Variants in GRM4 observed in about 807,000 individuals in gnomAD.
GRM4 encodes metabotropic glutamate receptor 4.
Under a neutral mutation model 81.7 loss-of-function variants are expected in GRM4, and 28 were observed. The ratio of observed to expected loss-of-function variants is 0.34; its 90% CI spans 0.25 to 0.47. The LOEUF (loss-of-function observed/expected upper bound fraction) is 0.47. GRM4 is among the 20% of genes least tolerant of loss of function. The pLI is 1.00. For missense variants in GRM4, 948 were observed against 1,290.0 expected (o/e 0.73, Z 4.06); for synonymous variants, 488 against 528.8 (o/e 0.92, Z 1.06).
chr6:34,118,186 C>T (rs544455355), intron 2 of GRM4, among the ~76,000 whole-genome samples: 1 of 152,320 alleles, frequency 6.6e-6, no homozygotes, highest in South Asian at 2.1e-4. Context: ...TTGCTGTTTT[C>T]TTCCAAATCT....
exon 1 of GRM4, chr6:34,155,527 GT>G (rs545290400): frequency 3.6e-6 from 2 of 561,104 alleles, no homozygotes; most frequent in East Asian, 3.3e-5. Flanking sequence ...ATTAAAATCT[GT>G]TTTTTTGTTT....
At chr6:34,091,351 A>T (rs1581683781) in intron 3 of GRM4, among the ~76,000 whole-genome samples, 1 of 152,178 alleles carries the variant, frequency 6.6e-6, no homozygotes, top group African/African-American at 2.4e-5. Context: ...GACCTCGAGG[A>T]GAATAAATAC....
At chr6:34,054,809 T>C (rs1765791863) in intron 6 of GRM4, 1 of 152,132 alleles carries the variant, frequency 6.6e-6, no homozygotes, top group Non-Finnish European at 1.5e-5. Context: ...CTAGGTCTGC[T>C]GATCTAAATC....
In GRM4 at chr6:34,136,563, GACACACACAC is replaced by G. The variant is rs10635207; in HGVS notation, c.-363-2714_-363-2705del. Among the ~76,000 whole-genome samples the G allele has an allele frequency of 0.05, 7,067 of 142,476 alleles. 257 individuals are homozygous for G. Among genetic ancestry groups the G allele is most frequent in the Middle Eastern group, 0.079 (22 of 280 alleles). The allele number at this position is 142,476 out of a possible 152,430, so 93.5% of individuals were successfully genotyped here. Reference sequence around the variant, plus strand: ...GCTGAGCAGTGCATGCGCGCGTGCGGACACACACACACACACACACACACACACACACACA... The same window carrying G: ...GCTGAGCAGTGCATGCGCGCGTGCGGACACACACACACACACACACACACA... On this transcript the variant is annotated intron_variant, in intron 1 of 10. Transcript: ENST00000538487. The surrounding 1 kb of genome is among the most constrained non-coding windows in gnomAD (Gnocchi z 4.1).
chr6:34,119,441 C>T (rs1212403063), intron 2 of GRM4, among the ~76,000 whole-genome samples: 1 of 152,156 alleles, frequency 6.6e-6, no homozygotes, highest in Non-Finnish European at 1.5e-5. Context: ...CCCTGACCTG[C>T]TACATGAGGC....
chr6:34,061,703 G>A (rs1447857051), intron 4 of GRM4, 190 bp downstream of exon 4: 18 of 536,946 alleles, frequency 3.4e-5, no homozygotes, highest in Non-Finnish European at 5.3e-5. Context: ...GGGAAGGAGT[G>A]CCCCATAGCA....
chr6:34,086,907 A>G (rs1171262143), intron 3 of GRM4, among the ~76,000 whole-genome samples: 1 of 152,200 alleles, frequency 6.6e-6, no homozygotes, highest in Non-Finnish European at 1.5e-5. Context: ...GCATCACTTG[A>G]GCCCAGAAGT....
rs922132823 is a variant in GRM4 at position 34,080,534 on chromosome 6, T to G, written c.736+11349A>C. 6.6e-6 allele frequency among the ~76,000 whole-genome samples: 1 copy of G among 152,032 alleles called. No individual in the cohort carries two copies. The highest frequency in any genetic ancestry group is 2.4e-5 in the African/African-American group (1 of 41,366). On this transcript the variant is annotated intron_variant, in intron 3 of 10. Coordinates refer to ENST00000538487, the MANE Select transcript of GRM4 (RefSeq NM_000841.4). The surrounding 1 kb of genome is among the most constrained non-coding windows in gnomAD (Gnocchi z 5.4). ...TTCATTCTGCAGATGAATAAATTAC[T>G]GTGGAGGAAAGGGATGCAAAGGCTG...
chr6:34,058,909 C>T (rs1021126527), intron 5 of GRM4, 65 bp downstream of exon 5: 10 of 1,302,236 alleles, frequency 7.7e-6, no homozygotes, highest in South Asian at 1.2e-5. Flanking sequence ...GGAAGGAAGC[C>T]GAGGAGGGAT....
At chr6:34,100,071 T>A (rs979079200) in intron 2 of GRM4, 1 of 982,884 alleles carries the variant, frequency 1.0e-6, no homozygotes, top group South Asian at 4.7e-5. Context: ...ACTCCTGCCC[T>A]GAGCATCTGG....
At chr6:34,113,509 A>G (rs1193406544) in intron 2 of GRM4, among the ~76,000 whole-genome samples, 1 of 152,174 alleles carries the variant, frequency 6.6e-6, no homozygotes, top group Non-Finnish European at 1.5e-5. Flanking sequence ...TATAAGGAAA[A>G]CAGATGCGGG....
chr6:34,106,230 C>T (rs1769119500), intron 2 of GRM4, among the ~76,000 whole-genome samples: 1 of 152,072 alleles, frequency 6.6e-6, no homozygotes, highest in Non-Finnish European at 1.5e-5. Context: ...ACCTTGCCAA[C>T]ATGGTGAAAC....
In GRM4 at chr6:34,089,393, T is replaced by C. The variant is rs928895681; in HGVS notation, c.736+2490A>G. 3.9e-5 allele frequency among the ~76,000 whole-genome samples: 6 copies of C among 152,118 alleles called. No individual in the cohort carries two copies. Among genetic ancestry groups the C allele is most frequent in the Non-Finnish European group, 7.3e-5 (5 of 68,028 alleles). ...GCAGCTCTCTCTCTCTCTCTTCCTT[T>C]CTTTTCACCCACTAAAAGATGTTCC... On this transcript the variant is annotated intron_variant, in intron 3 of 10. Transcript: ENST00000538487. This position sits in a 1 kb window ranked among gnomAD's most constrained non-coding sequence, Gnocchi z 4.3.
intron 5 of GRM4, among the ~76,000 whole-genome samples, chr6:34,058,711 C>T (rs570944496): frequency 2.0e-5 from 3 of 152,254 alleles, no homozygotes; most frequent in Non-Finnish European, 4.4e-5. Flanking sequence ...CTTTCAGCAG[C>T]GGACTCTCCA....
rs371813898 is a variant in GRM4 at position 34,018,889 on chromosome 6, G to A, written c.*3932C>T. The A allele has an allele frequency of 6.6e-6, 1 of 152,662 alleles. No homozygotes were observed. The allele number at this position is 152,662 out of a possible 1,614,324, so 9.5% of individuals were successfully genotyped here. ...GGGCAGCCAGGACCATCCAGGGCAG[G>A]CAGGATGACAGAAGGAGCCCTCAGT... is the stretch of plus-strand genomic sequence containing the variant. On this transcript the variant is annotated 3_prime_UTR_variant, in exon 11 of 11. Coordinates refer to ENST00000538487, the MANE Select transcript of GRM4 (RefSeq NM_000841.4).
chr6:34,093,107 C>T (rs568240073), intron 2 of GRM4, among the ~76,000 whole-genome samples: 17 of 152,298 alleles, frequency 1.1e-4, no homozygotes, highest in African/African-American at 3.1e-4. Context: ...AGGCTGGCGT[C>T]GAAACTAAGA....
rs761265574 is a variant in GRM4, at chr6:34,028,158, T to C, written c.2651A>G (p.Glu884Gly). 6.2e-7 allele frequency: 1 copy of C among 1,613,920 alleles called. No individual in the cohort carries two copies. Among genetic ancestry groups the C allele is most frequent in the South Asian group, 1.1e-5 (1 of 91,074 alleles). ...GTTCTCGCAGAGCTCAGACTTGGCC[T>C]CTCCGTTGGGCCGGAAGTTGCCCTT... Reference protein sequence around the residue: ...TQKGNFRPNGEAKSELCENLE... With the variant: ...TQKGNFRPNGGAKSELCENLE... The change falls in exon 10 of 11, where the codon GAG becomes GGG. Residue 884 changes from glutamate to glycine, a missense_variant. Glu to Gly is a moderately conservative substitution (Grantham distance 98, BLOSUM62 -2). Coordinates refer to ENST00000538487, the MANE Select transcript of GRM4 (RefSeq NM_000841.4).
chr6:34,038,971 C>G (rs1764854743), intron 8 of GRM4, among the ~76,000 whole-genome samples: 1 of 152,208 alleles, frequency 6.6e-6, no homozygotes, highest in Non-Finnish European at 1.5e-5. Flanking sequence ...AGCAGGTACT[C>G]AGTAAGTGCT....
At chr6:34,126,651 C>G (rs1177823074) in intron 2 of GRM4, among the ~76,000 whole-genome samples, 3 of 152,232 alleles carry the variant, frequency 2.0e-5, no homozygotes. Context: ...GTAGGTCCAG[C>G]CACACCCATC....
Sources: allele counts gnomAD v4.1 joint callset (sites outside exome capture counted in the v4.1 genomes callset), GRCh38; gene constraint gnomAD v4.1.1; non-coding constraint Gnocchi (gnomAD v3.1); transcripts MANE v1.5; gene names NCBI Gene and HGNC (gene_info 2026-07-23, HGNC 2026-07-21).